ANKRD30A: variants seen among roughly 807,000 people sequenced by gnomAD.
ANKRD30A encodes ankyrin repeat domain 30A.
In ANKRD30A, 170 loss-of-function variants were observed where a neutral mutation model predicts 166.3. That is an observed-to-expected ratio of 1.02 (90% CI 0.90 to 1.16). ANKRD30A has a LOEUF of 1.16. ANKRD30A is among the 50% of genes most tolerant of loss of function. ANKRD30A has a pLI of 0.00. For missense variants in ANKRD30A, 1,630 were observed against 1,518.0 expected, an observed-to-expected ratio of 1.07 and a Z score of -1.23; for synonymous variants, 564 against 508.9, an observed-to-expected ratio of 1.11 and a Z score of -1.46.
rs575603346 is a variant in ANKRD30A at position 37,197,549 on chromosome 10, C to A, written c.2716+69C>A. The A allele has an allele frequency of 4.0e-3, 6,386 of 1,602,292 alleles. 19 individuals carry two copies. Among genetic ancestry groups the A allele is most frequent in the Non-Finnish European group, 4.9e-3 (5,699 of 1,173,478 alleles). On this transcript the variant is annotated intron_variant, in intron 29 of 35. Coordinates refer to ENST00000361713, the MANE Select transcript of ANKRD30A (RefSeq NM_052997.3). ...TTGAACATTTTGATGGTCTTTCTAT[C>A]CCCAATGCTTTATTTTTTTCAACTT...
At chr10:37,253,649 C>CTT in the ANKRD30A span, among the ~76,000 whole-genome samples, 16 of 130,052 alleles carry the variant, frequency 1.2e-4, no homozygotes, top group African/African-American at 2.8e-4. Context: ...TTTTCTTTTT[C>CTT]TTTTTTTTTT....
chr10:37,192,024 T>C (rs1030154178), intron 25 of ANKRD30A, among the ~76,000 whole-genome samples: 6 of 152,030 alleles, frequency 3.9e-5, no homozygotes. Flanking sequence ...TAGTTTTTGA[T>C]ACTTTCACAT....
chr10:37,149,694 T>G lies in ANKRD30A; in HGVS notation c.1572+15T>G, dbSNP rs202049333. The G allele has an allele frequency of 2.1e-4, 346 of 1,612,402 alleles. 2 individuals carry two copies. The highest frequency in any genetic ancestry group is 1.4e-3 in the African/African-American group (103 of 74,924). Reference sequence around the variant, plus strand: ...CTGCCTTCAAGGTATTTAGTTTTATTATTTCATTTTGAATGACTTATTAAT... The same window carrying G: ...CTGCCTTCAAGGTATTTAGTTTTATGATTTCATTTTGAATGACTTATTAAT... On this transcript the variant is annotated intron_variant, in intron 10 of 35. Transcript: ENST00000361713.
chr10:37,133,208 A>C (rs1442945633), intron 4 of ANKRD30A, among the ~76,000 whole-genome samples: 1 of 152,100 alleles, frequency 6.6e-6, no homozygotes, highest in Non-Finnish European at 1.5e-5. Flanking sequence ...GTATGGGTAG[A>C]GGAAGAAAGA....
chr10:37,220,400 C>T (rs1289890074), intron 34 of ANKRD30A, among the ~76,000 whole-genome samples: 9 of 151,004 alleles, frequency 6.0e-5, no homozygotes, highest in East Asian at 2.0e-4. Context: ...TACATTTCTG[C>T]GTCTTGTAAT....
chr10:37,244,246 G>C, the ANKRD30A span, among the ~76,000 whole-genome samples: 1 of 152,088 alleles, frequency 6.6e-6, no homozygotes, highest in Non-Finnish European at 1.5e-5. Context: ...AGGATTAATT[G>C]TCCTACATCA....
chr10:37,134,547 G>A (rs1410687948), intron 5 of ANKRD30A, among the ~76,000 whole-genome samples: 1 of 152,152 alleles, frequency 6.6e-6, no homozygotes, highest in Non-Finnish European at 1.5e-5. Context: ...TACTAACACA[G>A]ATCCCTCAGT....
chr10:37,126,056 T>TGCTGGTGGTGGTGGGGGGGGG, intron 1 of ANKRD30A, 48 bp downstream of exon 1: 1 of 1,171,612 alleles, frequency 8.5e-7, no homozygotes, highest in Non-Finnish European at 1.2e-6. Flanking sequence ...GTGGGGGCGG[T>TGCTGGTGGTGGTGGGGGGGGG]GGGAGGATCG....
intron 31 of ANKRD30A, among the ~76,000 whole-genome samples, chr10:37,214,347 C>T (rs1333443730): frequency 6.6e-6 from 1 of 151,108 alleles, no homozygotes; most frequent in Non-Finnish European, 1.5e-5. Flanking sequence ...ACTTTTATAT[C>T]CATTCTGACA....
At chr10:37,142,674 C>T (rs146632892) in intron 7 of ANKRD30A, among the ~76,000 whole-genome samples, 313 of 150,118 alleles carry the variant, frequency 2.1e-3, no homozygotes, top group African/African-American at 6.5e-3. Flanking sequence ...CTACAACCTC[C>T]GCCTCCCAGG....
chr10:37,154,149 G>T (rs17606236), intron 13 of ANKRD30A, among the ~76,000 whole-genome samples: 3,048 of 152,218 alleles, frequency 0.02, 90 homozygotes, highest in African/African-American at 0.069. Context: ...CTTTCTCACT[G>T]GTGGGAAGCC....
downstream of ANKRD30A, chr10:37,232,695 A>AGAG (rs1564604874): frequency 1.3e-3 from 14 of 10,842 alleles, 1 homozygote; most frequent in African/African-American, 3.4e-3. Flanking sequence ...TATATATATA[A>AGAG]ATAGAGAGAG....
At chr10:37,255,199 A>T in the ANKRD30A span, among the ~76,000 whole-genome samples, 1 of 152,208 alleles carries the variant, frequency 6.6e-6, no homozygotes, top group Admixed American at 6.5e-5. Context: ...GTTCTCATTT[A>T]AAAATGGGAA....
chr10:37,211,779 A>T (rs1468994009), intron 31 of ANKRD30A, among the ~76,000 whole-genome samples: 2 of 152,130 alleles, frequency 1.3e-5, no homozygotes, highest in South Asian at 2.1e-4. Context: ...ATTTCTCTAC[A>T]TCCTCTCCAG....
chr10:37,236,531 C>T (rs1395482540), downstream of ANKRD30A, among the ~76,000 whole-genome samples: 2 of 152,154 alleles, frequency 1.3e-5, no homozygotes, highest in African/African-American at 4.8e-5. Context: ...ATGTGCTTTG[C>T]CCAAATTTAC....
chr10:37,220,288 C>T (rs1045538219), intron 34 of ANKRD30A, among the ~76,000 whole-genome samples: 3 of 150,654 alleles, frequency 2.0e-5, no homozygotes, highest in African/African-American at 7.3e-5. Flanking sequence ...AATGGGAATG[C>T]CCGTATCAGC....
intron 11 of ANKRD30A, among the ~76,000 whole-genome samples, chr10:37,151,585 A>T (rs17590016): frequency 6.6e-6 from 1 of 152,254 alleles, no homozygotes; most frequent in East Asian, 1.9e-4. Context: ...ATAGTTGACT[A>T]ACATCAAAAA....
At chr10:37,137,920 A>T (rs997318205) in intron 6 of ANKRD30A, among the ~76,000 whole-genome samples, 10 of 152,212 alleles carry the variant, frequency 6.6e-5, no homozygotes, top group African/African-American at 1.9e-4. Flanking sequence ...GAGAACGGAC[A>T]GACTGCCTCC....
chr10:37,130,065 A>G, intron 2 of ANKRD30A, 58 bp downstream of exon 2: 1 of 1,275,950 alleles, frequency 7.8e-7, no homozygotes, highest in Non-Finnish European at 1.0e-6. Flanking sequence ...ACATAGAATA[A>G]AAATGAATTT....
Sources: gnomAD v4.1 joint callset for allele counts (sites outside exome capture counted in the v4.1 genomes callset) on GRCh38, gnomAD v4.1.1 for gene constraint, MANE v1.5 for transcripts, NCBI Gene and HGNC (gene_info 2026-07-23, HGNC 2026-07-21) for gene names.